Variants in MUC20 observed in about 807,000 individuals in gnomAD.
MUC20 encodes the protein mucin-20.
MUC20 carries 14 observed loss-of-function variants against 23.8 expected under a neutral mutation model. That is an observed-to-expected ratio of 0.59 (90% CI 0.39 to 0.92). The LOEUF is 0.92. Ranked by LOEUF, MUC20 falls within the 40% of genes least tolerant of loss-of-function variation. The pLI is 0.00. For missense variants in MUC20, 375 were observed against 668.8 expected, an observed-to-expected ratio of 0.56 and a Z score of 4.85; for synonymous variants, 166 against 279.3, an observed-to-expected ratio of 0.59 and a Z score of 4.04.
At chr3:195,731,297 G>T (rs1436281051) in intron 3 of MUC20, among the ~76,000 whole-genome samples, 1 of 152,280 alleles carries the variant, frequency 6.6e-6, no homozygotes. Flanking sequence ...TGGCAGAGAT[G>T]CTGGCTGGGG....
rs148819578 is a variant in MUC20 at position 195,729,769 on chromosome 3, T to G, written c.2061+30T>G. 1,411 of 1,566,244 alleles carry G rather than the reference T, an allele frequency of 9.0e-4. 2 individuals are homozygous for G. In the African/African-American group the frequency reaches 0.017, roughly 19 times the overall value. On this transcript the variant is annotated intron_variant, in intron 3 of 3. Coordinates refer to ENST00000447234, the MANE Select transcript of MUC20 (RefSeq NM_001282506.2). Reference sequence around the variant, plus strand: ...GTGGGCACTTTCCGGGCCAGGGGAGTAGAGGAAGGGGCGAGGTTCGCAGGG... The same window carrying G: ...GTGGGCACTTTCCGGGCCAGGGGAGGAGAGGAAGGGGCGAGGTTCGCAGGG...
chr3:195,733,046 G>A (rs535145244), intron 3 of MUC20, 104 bp from the exon 4 acceptor site: 39 of 1,284,588 alleles, frequency 3.0e-5, no homozygotes, highest in African/African-American at 3.0e-4. Context: ...AAGGGTTGCC[G>A]TCCTCCGCAT....
intron 2 of MUC20, among the ~76,000 whole-genome samples, chr3:195,728,465 C>T (rs1024220413): frequency 1.0e-4 from 16 of 152,382 alleles, no homozygotes; most frequent in South Asian, 1.0e-3. Flanking sequence ...AACATCTCAG[C>T]AGAGTAAAGA....
In MUC20 at chr3:195,729,680, A is replaced by C; in HGVS notation, c.2002A>C (p.Ser668Arg). ...ENGGFLLLRLSVASPEDLTDP... is the reference protein window; with the variant it reads ...ENGGFLLLRLRVASPEDLTDP... ...TGGAGGTTTCCTCCTCCTGCGGCTG[A>C]GTGTGGCTTCCCCGGAAGACCTCAC... The change falls in exon 3 of 4, where the codon AGT (serine) becomes CGT (arginine). Residue 668 changes from serine to arginine, a missense_variant. Physicochemically the swap from Ser to Arg is moderately radical, Grantham distance 110. Transcript: ENST00000447234. The C allele has an allele frequency of 1.3e-6, 2 of 1,595,480 alleles. No individual in the cohort carries two copies. The highest frequency in any genetic ancestry group is 1.7e-6 in the Non-Finnish European group (2 of 1,170,082).
At chr3:195,730,296 C>T (rs1713246033) in intron 3 of MUC20, among the ~76,000 whole-genome samples, 1 of 152,246 alleles carries the variant, frequency 6.6e-6, no homozygotes. Context: ...GCCATAGATT[C>T]ACAAGGGACT....
intron 2 of MUC20, among the ~76,000 whole-genome samples, chr3:195,729,134 T>C (rs1011243773): frequency 7.2e-5 from 11 of 152,272 alleles, no homozygotes; most frequent in Non-Finnish European, 1.0e-4. Context: ...AGATAAGACA[T>C]TCATATGATT....
At chr3:195,729,912 C>G in intron 3 of MUC20, 173 bp downstream of exon 3, 1 of 666,366 alleles carries the variant, frequency 1.5e-6, no homozygotes, top group Middle Eastern at 4.1e-4. Flanking sequence ...TTGCTTCTGC[C>G]TGCCTTCTCC....
At position 195,725,957 on chromosome 3, in the gene MUC20, G is replaced by A; in HGVS notation, c.1354G>A (p.Ala452Thr). The A allele has an allele frequency of 6.2e-7, 1 of 1,613,936 alleles. No individual in the cohort carries two copies. Among genetic ancestry groups the A allele is most frequent in the Non-Finnish European group, 8.5e-7 (1 of 1,179,866 alleles). ...TDLIPTEGVK[A>T]SSTSDPPALP... ...TCTCATCCCCACGGAAGGGGTGAAG[G>A]CCTCGTCCACCTCCGATCCACCAGC... Residue 452 changes from alanine to threonine, a missense_variant, in exon 2 of 4, where the codon GCC becomes ACC. Ala to Thr is a moderately conservative substitution (Grantham distance 58). Transcript: ENST00000447234.
At chr3:195,723,583 C>T (rs2148695894) in intron 1 of MUC20, among the ~76,000 whole-genome samples, 1 of 117,488 alleles carries the variant, frequency 8.5e-6, no homozygotes, top group East Asian at 2.0e-4. Flanking sequence ...GAGAAATACT[C>T]ATGCTAAAAA....
At chr3:195,721,348 G>A (rs3103940) in intron 1 of MUC20, among the ~76,000 whole-genome samples, 130,213 of 150,930 alleles carry the variant, frequency 0.86, 55,224 homozygotes, top group African/African-American at 0.97. Flanking sequence ...TGCAGTACAC[G>A]CTAATCAACC....
chr3:195,728,803 A>G lies in MUC20; in HGVS notation c.1970-845A>G, dbSNP rs957254572. Among the ~76,000 whole-genome samples, 8 of 152,286 alleles carry G rather than the reference A, an allele frequency of 5.3e-5. No individual in the cohort carries two copies. In the East Asian group the frequency reaches 9.6e-4, roughly 18 times the overall value. On this transcript the variant is annotated intron_variant, in intron 2 of 3. Coordinates refer to ENST00000447234, the MANE Select transcript of MUC20 (RefSeq NM_001282506.2). ...AGGGCAGAGGTCCCTGCGGCTTTCC[A>G]CAGTGCATTGTGCCCCTGGTTTATT... is the stretch of plus-strand genomic sequence containing the variant.
At position 195,733,230 on chromosome 3, in the gene MUC20, T is replaced by C. The variant is rs1357650591; in HGVS notation, c.*12T>C. 1.3e-6 allele frequency: 2 copies of C among 1,582,266 alleles called. No individual in the cohort carries two copies. Among genetic ancestry groups the C allele is most frequent in the Admixed American group, 1.8e-5 (1 of 55,426 alleles). ...TCAGGAGAGGCTAACGGACATCAGCTGCAGCCAGGCATGTCCCGTATGCCA... is the reference window on the plus strand; with the variant it reads ...TCAGGAGAGGCTAACGGACATCAGCCGCAGCCAGGCATGTCCCGTATGCCA... On this transcript the variant is annotated 3_prime_UTR_variant, in exon 4 of 4. Transcript: ENST00000447234.
chr3:195,732,583 C>T (rs1713510415), intron 3 of MUC20, among the ~76,000 whole-genome samples: 1 of 152,198 alleles, frequency 6.6e-6, no homozygotes, highest in Non-Finnish European at 1.5e-5. Context: ...TGGTCTCGAA[C>T]TCCTGACCTC....
chr3:195,727,207 C>A (rs536068165), intron 2 of MUC20, among the ~76,000 whole-genome samples: 9 of 152,398 alleles, frequency 5.9e-5, no homozygotes, highest in African/African-American at 1.9e-4. Context: ...CGAGACCAGG[C>A]TGACCAACAT....
Position 195,726,233 on chromosome 3 carries a change from G to A in MUC20, c.1630G>A (p.Val544Ile), listed in dbSNP as rs371526551. 130 of 1,613,842 alleles carry A rather than the reference G, an allele frequency of 8.1e-5. No individual in the cohort carries two copies. The highest frequency in any genetic ancestry group is 9.6e-5 in the Non-Finnish European group (113 of 1,179,746). Residue 544 changes from valine to isoleucine, a missense_variant, in exon 2 of 4, where the codon GTC becomes ATC. Around this residue, in one of 4 missense-constraint regions of MUC20, gnomAD observed 343 missense variants for 340.2 expected, o/e 1.01. Transcript: ENST00000447234. ...SALSVETPSY[V>I]KVSGAAPVSI... ...CCTCTCTGTTGAGACACCAAGTTAC[G>A]TCAAAGTCTCAGGAGCAGCTCCGGT...
At chr3:195,729,847 G>A in intron 3 of MUC20, 108 bp downstream of exon 3, 2 of 1,078,134 alleles carry the variant, frequency 1.9e-6, no homozygotes, top group South Asian at 1.4e-5. Context: ...GCTTGGAAGG[G>A]AGTCTCGTTT....
chr3:195,730,035 T>G (rs1193019510), intron 3 of MUC20: 14 of 387,032 alleles, frequency 3.6e-5, no homozygotes, highest in Non-Finnish European at 6.5e-5. Flanking sequence ...TCAGTGATAC[T>G]GATGGGAGGG....
chr3:195,727,171 C>T (rs9842083), intron 2 of MUC20, among the ~76,000 whole-genome samples: 3 of 151,984 alleles, frequency 2.0e-5, no homozygotes, highest in Non-Finnish European at 2.9e-5. Context: ...AGGCAGAGGC[C>T]GGCGGATCAC....
At chr3:195,729,605 TGC>T (rs1713146307) in intron 2 of MUC20, 41 bp from the exon 3 acceptor site, 5 of 1,538,172 alleles carry the variant, frequency 3.3e-6, no homozygotes, top group African/African-American at 1.4e-5. Flanking sequence ...TGTGAGCCAC[TGC>T]GCCCAGCCCT....
Sources: allele counts gnomAD v4.1 joint callset (sites outside exome capture counted in the v4.1 genomes callset), GRCh38; gene constraint gnomAD v4.1.1; regional missense constraint gnomAD v4.1.1; transcripts MANE v1.5; gene names NCBI Gene and HGNC (gene_info 2026-07-23, HGNC 2026-07-21).